The following LRIF1 variants were observed in gnomAD, a reference collection of about 807,000 sequenced individuals.
LRIF1 encodes ligand dependent nuclear receptor interacting factor 1.
Under a neutral mutation model 52.7 loss-of-function variants are expected in LRIF1, and 32 were observed. That is an observed-to-expected ratio of 0.61 (90% confidence interval 0.46 to 0.82). The LOEUF (loss-of-function observed/expected upper bound fraction) is 0.82. Among genes scored for constraint, LRIF1 ranks in the 40% least tolerant of loss-of-function variants. The pLI, the probability that LRIF1 is intolerant of heterozygous loss-of-function variation, is 0.00. For synonymous variants in LRIF1, 323 were observed against 317.4 expected, an observed-to-expected ratio of 1.02 and a Z score of -0.19; for missense variants, 887 against 892.0, an observed-to-expected ratio of 0.99 and a Z score of 0.07.
chr1:110,907,328 A>G, the LRIF1 span, among the ~76,000 whole-genome samples: 1 of 152,196 alleles, frequency 6.6e-6, no homozygotes, highest in African/African-American at 2.4e-5. Flanking sequence ...ATGTTCTACC[A>G]GAATTTTCTT....
chr1:110,948,012 T>C lies in LRIF1; in HGVS notation c.2257A>G (p.Arg753Gly). Reference sequence around the variant, plus strand: ...TCTTCAAGAGCTGCTTCTTTCTCTCTCAGCACCTGCTTAAGTCTTCTTATT... The same window carrying C: ...TCTTCAAGAGCTGCTTCTTTCTCTCCCAGCACCTGCTTAAGTCTTCTTATT... ...EKIRRLKQVL[R>G]EKEAALEEMR... The change falls in exon 4 of 4, where the codon AGA (arginine) becomes GGA (glycine). Residue 753 changes from arginine (R) to glycine (G), a missense_variant. Coordinates refer to ENST00000369763, the MANE Select transcript of LRIF1 (RefSeq NM_018372.4). The C allele has an allele frequency of 6.2e-7, 1 of 1,607,924 alleles. No individual in the cohort carries two copies. The highest frequency in any genetic ancestry group is 8.5e-7 in the Non-Finnish European group (1 of 1,177,850).
chr1:110,956,883 C>A (rs922270345), intron 1 of LRIF1, among the ~76,000 whole-genome samples: 6 of 152,088 alleles, frequency 3.9e-5, no homozygotes, highest in Non-Finnish European at 7.4e-5. Context: ...AGTCTATTTT[C>A]TTTCCTATTA....
At chr1:110,879,454 G>T in the LRIF1 span, among the ~76,000 whole-genome samples, 1 of 152,164 alleles carries the variant, frequency 6.6e-6, no homozygotes, top group Non-Finnish European at 1.5e-5. Context: ...TATTTGACCT[G>T]TTAATAAGTG....
chr1:110,892,197 T>C, the LRIF1 span: 1 of 690,496 alleles, frequency 1.4e-6, no homozygotes, highest in East Asian at 2.7e-5. Context: ...AATGTAAGCA[T>C]GGAAAAGTTT....
At chr1:110,896,799 T>A in the LRIF1 span, 6 of 1,402,706 alleles carry the variant, frequency 4.3e-6, no homozygotes, top group Non-Finnish European at 2.0e-6. Context: ...CCTCGGAAAC[T>A]GCAGTCATAG....
At chr1:110,953,755 C>T (rs1273369964) in intron 1 of LRIF1, among the ~76,000 whole-genome samples, 4 of 152,178 alleles carry the variant, frequency 2.6e-5, no homozygotes, top group Admixed American at 2.6e-4. Context: ...TCATGTCACA[C>T]ATACTATCAC....
chr1:110,956,638 A>C (rs191956360), intron 1 of LRIF1, among the ~76,000 whole-genome samples: 192 of 152,306 alleles, frequency 1.3e-3, no homozygotes, highest in Non-Finnish European at 2.3e-3. Flanking sequence ...AGTACTACAA[A>C]AGTAGATAGG....
At chr1:110,958,195 A>C (rs1279391599) in intron 1 of LRIF1, among the ~76,000 whole-genome samples, 1 of 152,220 alleles carries the variant, frequency 6.6e-6, no homozygotes, top group Non-Finnish European at 1.5e-5. Flanking sequence ...CTCAATGTGA[A>C]ATCTCTGCTC....
the LRIF1 span, among the ~76,000 whole-genome samples, chr1:110,888,026 TAGC>T: frequency 6.6e-6 from 1 of 152,086 alleles, no homozygotes; most frequent in Non-Finnish European, 1.5e-5. Context: ...GAGTGGAAAG[TAGC>T]AGATGTGATG....
At chr1:110,917,629 TTTTTGTTTTTTTG>T in the LRIF1 span, among the ~76,000 whole-genome samples, 26 of 100,616 alleles carry the variant, frequency 2.6e-4, no homozygotes, top group Non-Finnish European at 4.7e-4. Flanking sequence ...GAGCTTATTT[TTTTTGTTTTTTTG>T]TTTTTGTTTT....
chr1:110,920,688 T>A, the LRIF1 span, among the ~76,000 whole-genome samples: 1 of 152,116 alleles, frequency 6.6e-6, no homozygotes, highest in African/African-American at 2.4e-5. Context: ...GACTTTGGGG[T>A]GATAACGATG....
chr1:110,892,343 A>T, the LRIF1 span: 1 of 1,612,968 alleles, frequency 6.2e-7, no homozygotes, highest in Non-Finnish European at 8.5e-7. Flanking sequence ...TCTTCCTTTC[A>T]GATCTGTGGC....
intron 3 of LRIF1, among the ~76,000 whole-genome samples, chr1:110,948,907 C>G (rs1658331834): frequency 6.6e-6 from 1 of 152,050 alleles, no homozygotes; most frequent in African/African-American, 2.4e-5. Context: ...TTATTAAGAA[C>G]ATATGCATGC....
the LRIF1 span, among the ~76,000 whole-genome samples, chr1:110,911,207 A>G: frequency 1.3e-5 from 2 of 152,130 alleles, no homozygotes; most frequent in Non-Finnish European, 2.9e-5. Context: ...CCTGGAGACT[A>G]TTATGAACAG....
chr1:110,896,384 C>T, the LRIF1 span, among the ~76,000 whole-genome samples: 32 of 152,286 alleles, frequency 2.1e-4, no homozygotes, highest in Non-Finnish European at 4.1e-4. Flanking sequence ...CTAATCCCTC[C>T]ATTATGCAGT....
downstream of LRIF1, among the ~76,000 whole-genome samples, chr1:110,942,948 G>A (rs1402387003): frequency 6.6e-6 from 1 of 152,028 alleles, no homozygotes; most frequent in African/African-American, 2.4e-5. Context: ...TCATATAGAT[G>A]TAAAATAAGA....
chr1:110,911,793 T>G, the LRIF1 span, among the ~76,000 whole-genome samples: 1 of 152,108 alleles, frequency 6.6e-6, no homozygotes, highest in Admixed American at 6.6e-5. Flanking sequence ...AGGCTTTTGA[T>G]AAAAATTAAC....
chr1:110,949,577 G>T (rs1023981250), intron 3 of LRIF1, among the ~76,000 whole-genome samples: 2 of 149,480 alleles, frequency 1.3e-5, no homozygotes, highest in Non-Finnish European at 3.0e-5. Context: ...CCACCACCAG[G>T]CCCAGCTAAT....
At chr1:110,935,585 A>G in the LRIF1 span, among the ~76,000 whole-genome samples, 3 of 152,220 alleles carry the variant, frequency 2.0e-5, no homozygotes, top group Non-Finnish European at 2.9e-5. Context: ...ATATTTTAAT[A>G]GCAGAATTGA....
Sources: gnomAD v4.1 joint callset for allele counts (sites outside exome capture counted in the v4.1 genomes callset) on GRCh38, gnomAD v4.1.1 for gene constraint, MANE v1.5 for transcripts, NCBI Gene and HGNC (gene_info 2026-07-23, HGNC 2026-07-21) for gene names.